IL1RAPL1: variants seen among roughly 807,000 people sequenced by gnomAD.
IL1RAPL1 encodes interleukin-1 receptor accessory protein-like 1.
Under a neutral mutation model 48.4 loss-of-function variants are expected in IL1RAPL1, and 3 were observed. The ratio of observed to expected loss-of-function variants is 0.06; its 90% CI spans 0.03 to 0.16. The LOEUF (loss-of-function observed/expected upper bound fraction) is 0.16. IL1RAPL1 is among the 10% of genes least tolerant of loss of function. IL1RAPL1 has a pLI of 1.00. For missense variants in IL1RAPL1, 349 were observed against 530.6 expected, an observed-to-expected ratio of 0.66 and a Z score of 3.36; for synonymous variants, 185 against 187.7, an observed-to-expected ratio of 0.99 and a Z score of 0.12.
At chrX:29,335,801 G>T (rs1932984837) in intron 3 of IL1RAPL1, among the ~76,000 whole-genome samples, 1 of 111,273 alleles carries the variant, frequency 9.0e-6, no homozygotes, top group Non-Finnish European at 1.9e-5. Context: ...TTTATTATTT[G>T]CCTATATTTG....
intron 5 of IL1RAPL1, among the ~76,000 whole-genome samples, chrX:29,614,963 CAAA>C (rs377465356): frequency 1.9e-4 from 13 of 67,279 alleles, no homozygotes; most frequent in Non-Finnish European, 2.7e-4. Flanking sequence ...GACTCCGTCT[CAAA>C]AAAAAAAAAA....
At chrX:29,942,870 C>G (rs1454924368) in intron 9 of IL1RAPL1, among the ~76,000 whole-genome samples, 1 of 110,986 alleles carries the variant, frequency 9.0e-6, no homozygotes, top group Non-Finnish European at 1.9e-5. Context: ...ATCCCCCCAT[C>G]TCGGCCTCCC....
At chrX:29,269,782 C>T (rs1395610781) in intron 2 of IL1RAPL1, among the ~76,000 whole-genome samples, 1 of 110,497 alleles carries the variant, frequency 9.1e-6, no homozygotes, top group Non-Finnish European at 1.9e-5. Context: ...AATTGATATA[C>T]AATTAATCAC....
chrX:29,002,418 G>A (rs997777539), intron 2 of IL1RAPL1, among the ~76,000 whole-genome samples: 2 of 110,715 alleles, frequency 1.8e-5, no homozygotes, highest in African/African-American at 6.6e-5. Context: ...AGGCAGGAAA[G>A]GTGCTTCTAA....
chrX:29,475,957 G>C, intron 5 of IL1RAPL1, among the ~76,000 whole-genome samples: 1 of 111,159 alleles, frequency 9.0e-6, no homozygotes, highest in East Asian at 2.8e-4. Flanking sequence ...AGTTTCATTA[G>C]AAAGAAAGAG....
intron 6 of IL1RAPL1, among the ~76,000 whole-genome samples, chrX:29,816,141 G>A (rs1459286287): frequency 9.0e-6 from 1 of 111,019 alleles, no homozygotes; most frequent in Admixed American, 9.6e-5. Flanking sequence ...AAAGATGATT[G>A]TCTGAACGGA....
chrX:28,838,200 T>A (rs1191776418), intron 2 of IL1RAPL1, among the ~76,000 whole-genome samples: 1 of 111,200 alleles, frequency 9.0e-6, no homozygotes, highest in Non-Finnish European at 1.9e-5. Flanking sequence ...TTAGAATCCA[T>A]CCCGTCTAAA....
chrX:28,969,812 A>G (rs1207066112), intron 2 of IL1RAPL1, among the ~76,000 whole-genome samples: 1 of 105,612 alleles, frequency 9.5e-6, no homozygotes, highest in East Asian at 3.0e-4. Flanking sequence ...TATTTTTTTC[A>G]ATTCATCTTT....
intron 1 of IL1RAPL1, among the ~76,000 whole-genome samples, chrX:28,697,572 A>G (rs763870079): frequency 6.3e-5 from 7 of 111,661 alleles, no homozygotes; most frequent in African/African-American, 1.9e-4. Context: ...TTTCCTCCAG[A>G]TGGAAGGACA....
At chrX:29,166,176 G>A (rs1929782647) in intron 2 of IL1RAPL1, among the ~76,000 whole-genome samples, 1 of 112,390 alleles carries the variant, frequency 8.9e-6, no homozygotes, top group Non-Finnish European at 1.9e-5. Flanking sequence ...CATGCTGGAA[G>A]ACGGTCAGAT....
chrX:29,150,132 C>G lies in IL1RAPL1; in HGVS notation c.83-132806C>G, dbSNP rs900201803. ...TTAATCTGTGCAGAGCTTGAGGTAA[C>G]AAAGCAGTATACCTCAATAAATATC... On this transcript the variant is annotated intron_variant, in intron 2 of 10. Transcript: ENST00000378993. 2.7e-5 allele frequency among the ~76,000 whole-genome samples: 3 copies of G among 112,340 alleles called. No individual in the cohort carries two copies. In the Admixed American group the frequency reaches 2.8e-4, roughly 11 times the overall value.
At chrX:29,362,773 C>T (rs1232889951) in intron 3 of IL1RAPL1, among the ~76,000 whole-genome samples, 3 of 111,787 alleles carry the variant, frequency 2.7e-5, no homozygotes, top group Non-Finnish European at 5.6e-5. Flanking sequence ...TCCAGGTATT[C>T]CCTATTGCTC....
At chrX:28,977,067 C>G (rs914819679) in intron 2 of IL1RAPL1, among the ~76,000 whole-genome samples, 3 of 111,957 alleles carry the variant, frequency 2.7e-5, no homozygotes, top group African/African-American at 9.7e-5. Flanking sequence ...TTCAAGAAAC[C>G]AAACAAATAA....
At chrX:29,615,693 T>TA (rs996522692) in intron 5 of IL1RAPL1, among the ~76,000 whole-genome samples, 50 of 104,419 alleles carry the variant, frequency 4.8e-4, no homozygotes, top group African/African-American at 1.6e-3. Flanking sequence ...CTACTAAACT[T>TA]AAAAAAAAAA....
At chrX:28,698,517 A>G (rs1935260719) in intron 1 of IL1RAPL1, among the ~76,000 whole-genome samples, 1 of 111,726 alleles carries the variant, frequency 9.0e-6, no homozygotes, top group African/African-American at 3.2e-5. Context: ...AATAATCAGT[A>G]TAATCACAAT....
intron 1 of IL1RAPL1, among the ~76,000 whole-genome samples, chrX:28,779,579 ATACTTGTATATATTTATCAGGTAC>A (rs1204276616): frequency 1.0e-5 from 1 of 97,356 alleles, no homozygotes; most frequent in Non-Finnish European, 2.1e-5. Context: ...ATTGACAATT[ATACTTGTATATATTTATCAGGTAC>A]AGAGTGATAC....
intron 5 of IL1RAPL1, among the ~76,000 whole-genome samples, chrX:29,522,277 AGT>A (rs1194444589): frequency 3.6e-5 from 4 of 110,954 alleles, no homozygotes; most frequent in African/African-American, 1.3e-4. Flanking sequence ...CTCCCATCTC[AGT>A]GTCCCGAGTG....
At chrX:29,851,119 A>G (rs139245431) in intron 6 of IL1RAPL1, among the ~76,000 whole-genome samples, 1,437 of 111,726 alleles carry the variant, frequency 0.013, 27 homozygotes, top group African/African-American at 0.044. Context: ...GGCATAAACA[A>G]AAATCTTGAA....
intron 3 of IL1RAPL1, among the ~76,000 whole-genome samples, chrX:29,353,927 A>G (rs1933268074): frequency 9.3e-6 from 1 of 107,577 alleles, no homozygotes; most frequent in Non-Finnish European, 1.9e-5. Flanking sequence ...TGTGTTTTGC[A>G]TATAGTTTCT....
Sources: allele counts gnomAD v4.1 joint callset (sites outside exome capture counted in the v4.1 genomes callset), GRCh38; gene constraint gnomAD v4.1.1; transcripts MANE v1.5; gene names NCBI Gene and HGNC (gene_info 2026-07-23, HGNC 2026-07-21).